The following USP40 variants were observed in gnomAD, a reference collection of about 807,000 sequenced individuals.
USP40 encodes the protein ubiquitin specific peptidase 40.
Under a neutral mutation model 166.2 loss-of-function variants are expected in USP40, and 143 were observed. The ratio of observed to expected loss-of-function variants is 0.86; its 90% CI spans 0.75 to 0.99. The LOEUF is 0.99. Among genes scored for constraint, USP40 ranks in the 50% least tolerant of loss-of-function variants. The pLI is 0.00. For synonymous variants in USP40, 498 were observed against 524.0 expected (o/e 0.95, Z 0.68); for missense variants, 1,444 against 1,479.7 (o/e 0.98, Z 0.40).
chr2:233,540,809 G>C, intron 9 of USP40, 40 bp from the exon 10 acceptor site: 2 of 1,475,608 alleles, frequency 1.4e-6, no homozygotes, highest in Non-Finnish European at 1.9e-6. Flanking sequence ...AATCTGATGA[G>C]AAATAATTGC....
intron 20 of USP40, 126 bp downstream of exon 20, chr2:233,511,583 A>C: frequency 1.6e-6 from 1 of 624,154 alleles, no homozygotes; most frequent in Non-Finnish European, 2.7e-6. Context: ...TATTCCTAAA[A>C]TAAAATGTAT....
At chr2:233,498,677 C>G in intron 22 of USP40, 65 bp from the exon 23 acceptor site, 1 of 1,365,548 alleles carries the variant, frequency 7.3e-7, no homozygotes, top group Non-Finnish European at 1.0e-6. Context: ...CGTGTAACTT[C>G]TAGAAGAATG....
chr2:233,484,953 C>A (rs1337948392), intron 30 of USP40, among the ~76,000 whole-genome samples: 1 of 152,108 alleles, frequency 6.6e-6, no homozygotes, highest in Non-Finnish European at 1.5e-5. Context: ...TACTTTGGGT[C>A]CCACTTTAAT....
intron 19 of USP40, 97 bp downstream of exon 19, chr2:233,512,472 A>T (rs2066906417): frequency 1.4e-6 from 1 of 717,980 alleles, no homozygotes; most frequent in Non-Finnish European, 2.1e-6. Context: ...TCAGTTTCCA[A>T]AAGGTAATTT....
intron 21 of USP40, 37 bp from the exon 22 acceptor site, chr2:233,499,952 T>C (rs750517366): frequency 1.3e-6 from 2 of 1,596,978 alleles, no homozygotes; most frequent in African/African-American, 2.7e-5. Flanking sequence ...TAGTTTTCTG[T>C]TTCTGAGTTA....
At chr2:233,565,265 A>C in intron 2 of USP40, 91 bp downstream of exon 2, 2 of 980,304 alleles carry the variant, frequency 2.0e-6, no homozygotes, top group Admixed American at 2.6e-5. Context: ...TATATCTTTA[A>C]GATAATTGGT....
intron 15 of USP40, 106 bp from the exon 16 acceptor site, chr2:233,523,595 G>A (rs1189510229): frequency 2.7e-6 from 3 of 1,126,006 alleles, no homozygotes; most frequent in Non-Finnish European, 2.4e-6. Flanking sequence ...TTTTTTCCAA[G>A]TAAAATAAAA....
chr2:233,500,608 CA>C (rs748106209), intron 21 of USP40, among the ~76,000 whole-genome samples: 10 of 150,600 alleles, frequency 6.6e-5, no homozygotes, highest in South Asian at 4.2e-4. Flanking sequence ...AGAAAAATGG[CA>C]AAAAAAACCC....
At chr2:233,542,020 T>C (rs2069465082) in intron 9 of USP40, among the ~76,000 whole-genome samples, 1 of 152,220 alleles carries the variant, frequency 6.6e-6, no homozygotes, top group Non-Finnish European at 1.5e-5. Flanking sequence ...ATACTTTTTA[T>C]CTTTTGTATA....
At chr2:233,526,645 C>T (rs145780744) in intron 13 of USP40, among the ~76,000 whole-genome samples, 17 of 152,200 alleles carry the variant, frequency 1.1e-4, no homozygotes, top group African/African-American at 2.9e-4. Flanking sequence ...TTCTATCTCC[C>T]TTTTCCTTGA....
rs146626229 is a variant in USP40, at chr2:233,535,412, T to C, written c.1171-1633A>G. 2.2e-3 allele frequency among the ~76,000 whole-genome samples: 330 copies of C among 152,340 alleles called. 2 individuals carry two copies. The highest frequency in any genetic ancestry group is 7.7e-3 in the African/African-American group (319 of 41,584). On this transcript the variant is annotated intron_variant, in intron 10 of 31. Coordinates refer to ENST00000678225, the MANE Select transcript of USP40 (RefSeq NM_001365479.2). ...AACATTACTTAGTACTCACTTCACC[T>C]TTTAAAAAGTAACCATTTAAAAATG...
chr2:233,531,228 A>G (rs1447259950), intron 11 of USP40, among the ~76,000 whole-genome samples: 2 of 152,136 alleles, frequency 1.3e-5, no homozygotes, highest in Non-Finnish European at 2.9e-5. Context: ...TGATCTGTCT[A>G]CCTTTTTGCA....
chr2:233,493,579 G>A lies in USP40; in HGVS notation c.2791-28C>T, dbSNP rs1339705705. 6.3e-7 allele frequency: 1 copy of A among 1,585,754 alleles called. No homozygotes were observed. The highest frequency in any genetic ancestry group is 1.8e-5 in the Admixed American group (1 of 55,996). Reference sequence around the variant, plus strand: ...GAAGAATGGAGCATGTTTAACTGCTGTGATTACAAAGATTAAGTGAAACTC... The same window carrying A: ...GAAGAATGGAGCATGTTTAACTGCTATGATTACAAAGATTAAGTGAAACTC... On this transcript the variant is annotated intron_variant, in intron 24 of 31. Coordinates refer to ENST00000678225, the MANE Select transcript of USP40 (RefSeq NM_001365479.2). The surrounding 1 kb of genome is among the most constrained non-coding windows in gnomAD (Gnocchi z 4.7).
Position 233,549,222 on chromosome 2 carries a change from A to G in USP40, c.845T>C (p.Leu282Ser). The part of the protein sequence containing the change: ...NLKPFCEQSE[L>S]DDLEYIYDLF... ...GTCATATATATATTCTAAGTCATCC[A>G]ATTCACTCTAAAAGAAAAAAGAACA... The change falls in exon 8 of 32, where the codon TTG (leucine) becomes TCG (serine). Residue 282 changes from leucine (L) to serine (S), a missense_variant. Coordinates refer to ENST00000678225, the MANE Select transcript of USP40 (RefSeq NM_001365479.2). 7.0e-7 allele frequency: 1 copy of G among 1,420,614 alleles called. No individual in the cohort carries two copies. Among genetic ancestry groups the G allele is most frequent in the Non-Finnish European group, 9.6e-7 (1 of 1,042,206 alleles). The allele number at this position is 1,420,614 out of a possible 1,614,324, so 88.0% of individuals were successfully genotyped here.
At chr2:233,477,843 C>T (rs2064271469) in intron 31 of USP40, among the ~76,000 whole-genome samples, 1 of 152,260 alleles carries the variant, frequency 6.6e-6, no homozygotes, top group African/African-American at 2.4e-5. Context: ...ACACACACCG[C>T]TGCACGACTC....
At position 233,488,284 on chromosome 2, in the gene USP40, C is replaced by T. The variant is rs1201017762; in HGVS notation, c.3152G>A (p.Arg1051Lys). 1 of 1,602,186 alleles carries T rather than the reference C, an allele frequency of 6.2e-7. No individual in the cohort carries two copies. Among genetic ancestry groups the T allele is most frequent in the Admixed American group, 1.7e-5 (1 of 58,566 alleles). The change falls in exon 28 of 32, where the codon AGA becomes AAA. Residue 1051 changes from arginine (R) to lysine (K), a missense_variant. Physicochemically the swap from Arg to Lys is conservative, Grantham distance 26 (BLOSUM62 2). Transcript: ENST00000678225. ...AAGGGGCTCTAAGCAGATCTCAATT[C>T]TCCGTCCTAGTTTATATTCCCTGAT... ...QPLREYKLGR[R>K]IEICLEPLQK...
At chr2:233,544,057 C>T (rs2069672595) in intron 8 of USP40, among the ~76,000 whole-genome samples, 1 of 152,172 alleles carries the variant, frequency 6.6e-6, no homozygotes, top group Non-Finnish European at 1.5e-5. Context: ...TAAGACTGTT[C>T]CCTACTTCAA....
intron 16 of USP40, among the ~76,000 whole-genome samples, chr2:233,522,315 C>G (rs2067713993): frequency 6.6e-6 from 1 of 152,102 alleles, no homozygotes; most frequent in Non-Finnish European, 1.5e-5. Context: ...TTGTATTTCC[C>G]CAGTCCCAAT....
intron 24 of USP40, among the ~76,000 whole-genome samples, chr2:233,495,418 ACT>A (rs1242052428): frequency 6.7e-5 from 10 of 148,156 alleles, no homozygotes; most frequent in Admixed American, 6.7e-4. Flanking sequence ...TTTTTTTTTT[ACT>A]TTTTAAATTT....
Sources: gnomAD v4.1 joint callset for allele counts (sites outside exome capture counted in the v4.1 genomes callset) on GRCh38, gnomAD v4.1.1 for gene constraint, Gnocchi (gnomAD v3.1) non-coding constraint, MANE v1.5 for transcripts, NCBI Gene and HGNC (gene_info 2026-07-23, HGNC 2026-07-21) for gene names.